Variants in PAFAH1B1 observed in about 807,000 individuals in gnomAD.
PAFAH1B1 encodes the protein platelet-activating factor acetylhydrolase IB subunit beta.
In PAFAH1B1, 2 loss-of-function variants were observed where a neutral mutation model predicts 57.5. The ratio of observed to expected loss-of-function variants is 0.03; its 90% CI spans 0.01 to 0.11. The LOEUF (loss-of-function observed/expected upper bound fraction) is 0.11, where lower values mean the gene tolerates loss of function less well. PAFAH1B1 is among the 10% of genes least tolerant of loss of function. The pLI is 1.00. For synonymous variants in PAFAH1B1, 152 were observed against 169.6 expected (o/e 0.90, Z 0.81); for missense variants, 257 against 512.0 (o/e 0.50, Z 4.81).
intron 1 of PAFAH1B1, among the ~76,000 whole-genome samples, chr17:2,605,119 C>T (rs1180409707): frequency 1.3e-5 from 2 of 152,150 alleles, no homozygotes; most frequent in African/African-American, 4.8e-5. Context: ...GTCATGTAGA[C>T]TTCTTCAGAA....
chr17:2,668,303 G>A (rs768877646), intron 5 of PAFAH1B1, among the ~76,000 whole-genome samples: 1 of 152,138 alleles, frequency 6.6e-6, no homozygotes, highest in Admixed American at 6.5e-5. Flanking sequence ...CAGCCTGGGC[G>A]ACAGAGCGAG....
At chr17:2,656,310 C>G (rs1000796758) in intron 2 of PAFAH1B1, among the ~76,000 whole-genome samples, 11 of 152,054 alleles carry the variant, frequency 7.2e-5, no homozygotes, top group Non-Finnish European at 1.3e-4. Context: ...ATTAACCCAT[C>G]ATGGTGGCAT....
At position 2,654,653 on chromosome 17, in the gene PAFAH1B1, G is replaced by GT. The variant is rs555892900; in HGVS notation, c.33-10713dup. 4.3e-4 allele frequency among the ~76,000 whole-genome samples: 65 copies of GT among 152,094 alleles called. 3 individuals carry two copies. The South Asian group carries it at 0.011, about 26-fold the overall frequency. ...TCTCAGTTTGTGTTAGTTTTTGTTT[G>GT]TTTTTTGAGATAGTGTCTGGCTCTG... On this transcript the variant is annotated intron_variant, in intron 2 of 10. Coordinates refer to ENST00000397195, the MANE Select transcript of PAFAH1B1 (RefSeq NM_000430.4).
chr17:2,649,234 TAATG>T (rs1038540285), intron 2 of PAFAH1B1, among the ~76,000 whole-genome samples: 4 of 138,230 alleles, frequency 2.9e-5, no homozygotes, highest in African/African-American at 8.1e-5. Flanking sequence ...AAAAAAAAAT[TAATG>T]GGTTTAGTAT....
chr17:2,637,930 CAG>C (rs1326453329), intron 1 of PAFAH1B1, among the ~76,000 whole-genome samples, 167 bp from the exon 2 acceptor site: 2 of 152,058 alleles, frequency 1.3e-5, no homozygotes, highest in Non-Finnish European at 2.9e-5. Context: ...AAAGACAAAA[CAG>C]TATGGTTTTT....
In PAFAH1B1 at chr17:2,649,402, ATC is replaced by A. The variant is rs570570862; in HGVS notation, c.32+11086_32+11087del. ...AGCCTGGCCAATATGACGAAACCCC[ATC>A]TCTACTAAAAATACAAAAATCTAGC... On this transcript the variant is annotated intron_variant, in intron 2 of 10. Coordinates refer to ENST00000397195, the MANE Select transcript of PAFAH1B1 (RefSeq NM_000430.4). Among the ~76,000 whole-genome samples the A allele has an allele frequency of 4.7e-3, 719 of 151,894 alleles. 2 individuals are homozygous for A. Among genetic ancestry groups the A allele is most frequent in the Non-Finnish European group, 7.5e-3 (513 of 67,968 alleles).
At chr17:2,649,026 A>G (rs950312174) in intron 2 of PAFAH1B1, among the ~76,000 whole-genome samples, 18 of 151,910 alleles carry the variant, frequency 1.2e-4, no homozygotes, top group African/African-American at 4.1e-4. Flanking sequence ...TACAGAGCCA[A>G]CCTAAGGGAA....
At chr17:2,644,934 G>A (rs1041119496) in intron 2 of PAFAH1B1, among the ~76,000 whole-genome samples, 3 of 152,102 alleles carry the variant, frequency 2.0e-5, no homozygotes, top group Non-Finnish European at 4.4e-5. Context: ...TTTATAGAGA[G>A]CTTTAGATAA....
At chr17:2,605,956 T>G (rs965183929) in intron 1 of PAFAH1B1, among the ~76,000 whole-genome samples, 1 of 152,192 alleles carries the variant, frequency 6.6e-6, no homozygotes, top group Admixed American at 6.5e-5. Context: ...CTTTGGACAC[T>G]AGGGAAGCAA....
chr17:2,660,487 C>G (rs887058227), intron 2 of PAFAH1B1, among the ~76,000 whole-genome samples: 2 of 152,114 alleles, frequency 1.3e-5, no homozygotes, highest in Non-Finnish European at 2.9e-5. Context: ...CCCAGTTATG[C>G]GTGAGAGCAT....
intron 2 of PAFAH1B1, among the ~76,000 whole-genome samples, chr17:2,652,688 G>A (rs2068879706): frequency 6.6e-6 from 1 of 152,176 alleles, no homozygotes; most frequent in Admixed American, 6.6e-5. Flanking sequence ...TACTATAGCT[G>A]CACATGTTCA....
chr17:2,668,684 A>G (rs2151662493), intron 5 of PAFAH1B1, among the ~76,000 whole-genome samples: 1 of 151,510 alleles, frequency 6.6e-6, no homozygotes, highest in Middle Eastern at 3.4e-3. Flanking sequence ...TCTTAAAAAC[A>G]AAAAAATTGG....
intron 8 of PAFAH1B1, 158 bp from the exon 9 acceptor site, chr17:2,676,347 C>A: frequency 1.6e-6 from 1 of 611,700 alleles, no homozygotes; most frequent in Non-Finnish European, 2.9e-6. Context: ...CACGGTACTC[C>A]AGCCTGGGTG....
chr17:2,677,368 G>A (rs1318606360), intron 9 of PAFAH1B1, among the ~76,000 whole-genome samples: 3 of 152,158 alleles, frequency 2.0e-5, no homozygotes, highest in East Asian at 1.9e-4. Flanking sequence ...ATACTAGTAA[G>A]GGATTGTGGA....
At chr17:2,618,648 A>T (rs2068378647) in intron 1 of PAFAH1B1, among the ~76,000 whole-genome samples, 1 of 151,622 alleles carries the variant, frequency 6.6e-6, no homozygotes, top group Admixed American at 6.6e-5. Context: ...TATTTATGTT[A>T]TTTTTTTATT....
chr17:2,635,812 A>G (rs1177555696), intron 1 of PAFAH1B1, among the ~76,000 whole-genome samples: 1 of 151,884 alleles, frequency 6.6e-6, no homozygotes, highest in Non-Finnish European at 1.5e-5. Context: ...TTCACTCTAT[A>G]TAATTGAGCC....
intron 1 of PAFAH1B1, among the ~76,000 whole-genome samples, chr17:2,622,069 C>T (rs1199196229): frequency 6.6e-6 from 1 of 152,160 alleles, no homozygotes; most frequent in Admixed American, 6.6e-5. Flanking sequence ...GACCAGCCTC[C>T]ATGATTCAGT....
chr17:2,674,814 G>A (rs2069237788), intron 8 of PAFAH1B1, among the ~76,000 whole-genome samples: 1 of 152,088 alleles, frequency 6.6e-6, no homozygotes, highest in African/African-American at 2.4e-5. Context: ...GCATTTCTTT[G>A]TGATCTTTAT....
At chr17:2,625,976 C>T (rs932204383) in intron 1 of PAFAH1B1, among the ~76,000 whole-genome samples, 2 of 152,024 alleles carry the variant, frequency 1.3e-5, no homozygotes, top group Non-Finnish European at 2.9e-5. Context: ...AAAAGCCAGG[C>T]GTGGTGGCTC....
Sources: gnomAD v4.1 joint callset for allele counts (sites outside exome capture counted in the v4.1 genomes callset) on GRCh38, gnomAD v4.1.1 for gene constraint, MANE v1.5 for transcripts, NCBI Gene and HGNC (gene_info 2026-07-23, HGNC 2026-07-21) for gene names.